The following SOX6 variants were observed in gnomAD, a reference collection of about 807,000 sequenced individuals.
SOX6 encodes the protein SRY-box transcription factor 6, also known as transcription factor SOX-6.
A neutral mutation model predicts 97.8 loss-of-function variants in SOX6; 11 were observed. That is an observed-to-expected ratio of 0.11 (90% CI 0.07 to 0.19). SOX6 has a LOEUF of 0.19. Among genes scored for constraint, SOX6 ranks in the 10% least tolerant of loss-of-function variants. The probability of loss-of-function intolerance (pLI) is 1.00; values close to 1 mark genes in which losing one functional copy is unlikely to be tolerated. For synonymous variants in SOX6, 360 were observed against 371.4 expected, an observed-to-expected ratio of 0.97 and a Z score of 0.35; for missense variants, 810 against 1,039.5, an observed-to-expected ratio of 0.78 and a Z score of 3.04.
In SOX6 at chr11:16,201,727, G is replaced by A. The variant is rs906530085; in HGVS notation, c.536-14772C>T. Among the ~76,000 whole-genome samples the A allele has an allele frequency of 2.2e-4, 28 of 130,110 alleles. No homozygotes were observed. The South Asian group carries it at 5.3e-3, about 25-fold the overall frequency. 85.4% of individuals were successfully genotyped at this position (130,110 alleles called of 152,430 possible). On this transcript the variant is annotated intron_variant, in intron 4 of 15. Coordinates refer to ENST00000683767, the MANE Select transcript of SOX6 (RefSeq NM_001367873.1). Reference sequence around the variant, plus strand: ...CGGCTCACTGCAAGCTCCGCCTCCCGGGTTCACGCCATTCTCCTGCCTCAG... The same window carrying A: ...CGGCTCACTGCAAGCTCCGCCTCCCAGGTTCACGCCATTCTCCTGCCTCAG...
At chr11:16,633,351 T>C (rs1848739973) in intron 3 of SOX6, among the ~76,000 whole-genome samples, 1 of 152,236 alleles carries the variant, frequency 6.6e-6, no homozygotes, top group South Asian at 2.1e-4. Context: ...GGATGTATGT[T>C]CCTCTCTTTA....
chr11:16,170,224 T>A (rs1396060056), intron 6 of SOX6, among the ~76,000 whole-genome samples: 2 of 152,050 alleles, frequency 1.3e-5, no homozygotes, highest in Non-Finnish European at 1.5e-5. Context: ...ACTCATTCTG[T>A]TAGCAATGTG....
intron 2 of SOX6, among the ~76,000 whole-genome samples, chr11:16,728,894 G>A (rs1398905127): frequency 3.9e-5 from 6 of 152,142 alleles, no homozygotes; most frequent in Admixed American, 3.3e-4. Flanking sequence ...ATAAATGAAT[G>A]GATGGAGCTG....
Position 16,526,057 on chromosome 11 carries a change from A to G in SOX6, n.610-49669T>C, listed in dbSNP as rs547659377. ...GGTGGGACTGTAAACTAGTTCAACCATTGTGGAAGTCAGTGTGGCGATTCC... is the reference window on the plus strand; with the variant it reads ...GGTGGGACTGTAAACTAGTTCAACCGTTGTGGAAGTCAGTGTGGCGATTCC... On this transcript the variant is annotated intron_variant and non_coding_transcript_variant, in intron 4 of 5. Coordinates refer to the SOX6 transcript ENST00000524520. 4.6e-3 allele frequency among the ~76,000 whole-genome samples: 694 copies of G among 152,260 alleles called. 8 individuals carry two copies. The highest frequency in any genetic ancestry group is 0.016 in the African/African-American group (655 of 41,562).
At chr11:16,501,614 G>GA (rs1386172307) in intron 4 of SOX6, among the ~76,000 whole-genome samples, 1 of 151,610 alleles carries the variant, frequency 6.6e-6, no homozygotes, top group South Asian at 2.1e-4. Flanking sequence ...AAATTTACAA[G>GA]AAAAAAACAA....
At chr11:16,262,170 C>T (rs949604677) in intron 3 of SOX6, among the ~76,000 whole-genome samples, 2 of 152,022 alleles carry the variant, frequency 1.3e-5, no homozygotes, top group African/African-American at 4.8e-5. Flanking sequence ...TAATGTTATA[C>T]ATCTATGAGT....
chr11:16,506,346 G>T lies in SOX6; in HGVS notation n.610-29958C>A, dbSNP rs545725460. Among the ~76,000 whole-genome samples, 3 of 152,228 alleles carry T rather than the reference G, an allele frequency of 2.0e-5. No homozygotes were observed. In the East Asian group the frequency reaches 5.8e-4, roughly 29 times the overall value. ...CTGCTGGGTTTCAGACTTGCATGGG[G>T]CCCTTTGTTTTTGCCAATTTCTCCC... On this transcript the variant is annotated intron_variant and non_coding_transcript_variant, in intron 4 of 5. Coordinates refer to the SOX6 transcript ENST00000524520.
chr11:16,232,092 T>C (rs1852869940), intron 4 of SOX6, among the ~76,000 whole-genome samples: 1 of 151,830 alleles, frequency 6.6e-6, no homozygotes, highest in Non-Finnish European at 1.5e-5. Context: ...GCTTGAGATA[T>C]AATATTAAAT....
At chr11:16,105,027 C>T (rs1849044488) in intron 7 of SOX6, among the ~76,000 whole-genome samples, 1 of 151,884 alleles carries the variant, frequency 6.6e-6, no homozygotes, top group Admixed American at 6.6e-5. Flanking sequence ...GGAGGGAGTA[C>T]TTCTAATTCA....
At chr11:16,486,143 G>T (rs1482665248) in intron 4 of SOX6, among the ~76,000 whole-genome samples, 4 of 151,786 alleles carry the variant, frequency 2.6e-5, no homozygotes, top group African/African-American at 7.3e-5. Context: ...CTTAATCCAT[G>T]GTACAGAATT....
chr11:16,566,800 C>T (rs1299795445), intron 4 of SOX6, among the ~76,000 whole-genome samples: 3 of 152,194 alleles, frequency 2.0e-5, no homozygotes, highest in Non-Finnish European at 4.4e-5. Flanking sequence ...ACGGGACTTT[C>T]ATATGACCCA....
At chr11:16,585,159 G>A (rs1848077468) in intron 4 of SOX6, among the ~76,000 whole-genome samples, 1 of 152,182 alleles carries the variant, frequency 6.6e-6, no homozygotes, top group Non-Finnish European at 1.5e-5. Flanking sequence ...GTACTCAAAC[G>A]TCACTGTGTT....
At chr11:16,064,836 TA>T (rs1848053925) in intron 9 of SOX6, among the ~76,000 whole-genome samples, 3 of 151,754 alleles carry the variant, frequency 2.0e-5, no homozygotes, top group African/African-American at 7.2e-5. Flanking sequence ...TTAAAAACCC[TA>T]AAAAAACTGG....
intron 3 of SOX6, among the ~76,000 whole-genome samples, chr11:16,690,861 T>C (rs1848007891): frequency 6.6e-6 from 1 of 152,204 alleles, no homozygotes; most frequent in Admixed American, 6.5e-5. Context: ...ACGTTGATTA[T>C]TGTTAGGCTT....
At chr11:16,029,237 T>C (rs1014272978) in intron 12 of SOX6, among the ~76,000 whole-genome samples, 1 of 152,178 alleles carries the variant, frequency 6.6e-6, no homozygotes, top group Non-Finnish European at 1.5e-5. Context: ...AGCACATGTT[T>C]ATTCCTACAG....
chr11:16,036,298 C>T (rs1008154071), intron 12 of SOX6, among the ~76,000 whole-genome samples: 31 of 152,072 alleles, frequency 2.0e-4, no homozygotes, highest in African/African-American at 7.0e-4. Context: ...AGGCTGGTCT[C>T]GAACTCCCGA....
At chr11:16,585,158 C>T (rs75525529) in intron 4 of SOX6, among the ~76,000 whole-genome samples, 129 of 152,324 alleles carry the variant, frequency 8.5e-4, no homozygotes, top group Non-Finnish European at 1.6e-3. Flanking sequence ...GGTACTCAAA[C>T]GTCACTGTGT....
intron 4 of SOX6, among the ~76,000 whole-genome samples, chr11:16,522,267 C>G (rs1225167095): frequency 6.6e-6 from 1 of 152,146 alleles, no homozygotes; most frequent in Non-Finnish European, 1.5e-5. Flanking sequence ...GCCCATCAGA[C>G]TAACAGCGGA....
intron 4 of SOX6, among the ~76,000 whole-genome samples, chr11:16,591,640 C>G (rs1411834023): frequency 6.6e-6 from 1 of 152,026 alleles, no homozygotes; most frequent in Non-Finnish European, 1.5e-5. Flanking sequence ...AATATTCTAA[C>G]CTGTTTAGTG....
Sources: allele counts gnomAD v4.1 joint callset (sites outside exome capture counted in the v4.1 genomes callset), GRCh38; gene constraint gnomAD v4.1.1; transcripts MANE v1.5; gene names NCBI Gene and HGNC (gene_info 2026-07-23, HGNC 2026-07-21).